The following KCTD8 variants were observed in gnomAD, a reference collection of about 807,000 sequenced individuals.
KCTD8 encodes the protein BTB/POZ domain-containing protein KCTD8.
In KCTD8, 27 loss-of-function variants were observed where a neutral mutation model predicts 31.5. The observed-to-expected ratio is 0.86, with a 90% confidence interval of 0.63 to 1.18. KCTD8 has a LOEUF of 1.18. Ranked by LOEUF, KCTD8 falls within the 50% of genes most tolerant of loss-of-function variation. The probability of loss-of-function intolerance (pLI) is 0.00; values close to 1 mark genes in which losing one functional copy is unlikely to be tolerated. For missense variants in KCTD8, 658 were observed against 647.7 expected, an observed-to-expected ratio of 1.02 and a Z score of -0.17; for synonymous variants, 290 against 280.0, an observed-to-expected ratio of 1.04 and a Z score of -0.36.
chr4:44,334,240 C>T (rs542576343), intron 1 of KCTD8, among the ~76,000 whole-genome samples: 35 of 152,012 alleles, frequency 2.3e-4, no homozygotes, highest in Middle Eastern at 3.4e-3. Context: ...TACTATGATA[C>T]AGCAAAGAAA....
intron 1 of KCTD8, among the ~76,000 whole-genome samples, chr4:44,309,241 T>A (rs887713043): frequency 6.6e-6 from 1 of 151,932 alleles, no homozygotes; most frequent in East Asian, 1.9e-4. Context: ...GTTTTTGCCA[T>A]GTTGCCCAGG....
intron 1 of KCTD8, among the ~76,000 whole-genome samples, chr4:44,285,498 CATT>C (rs1184275588): frequency 1.3e-5 from 2 of 152,016 alleles, no homozygotes; most frequent in Non-Finnish European, 2.9e-5. Context: ...GGAGGGATAA[CATT>C]AGGAGAAATA....
intron 1 of KCTD8, among the ~76,000 whole-genome samples, chr4:44,418,586 C>T (rs191606104): frequency 1.4e-3 from 214 of 152,012 alleles, no homozygotes; most frequent in African/African-American, 4.3e-3. Flanking sequence ...GCAGTGGATA[C>T]GAAAATAGAG....
At chr4:44,209,557 A>G (rs1170036288) in intron 1 of KCTD8, among the ~76,000 whole-genome samples, 1 of 151,692 alleles carries the variant, frequency 6.6e-6, no homozygotes, top group East Asian at 1.9e-4. Flanking sequence ...ACCCACATAC[A>G]CACAGATGAC....
chr4:44,229,957 C>T (rs574942892), intron 1 of KCTD8, among the ~76,000 whole-genome samples: 66 of 151,902 alleles, frequency 4.3e-4, no homozygotes, highest in African/African-American at 1.5e-3. Flanking sequence ...AGGTATTTCT[C>T]CTAATGCTCT....
intron 1 of KCTD8, among the ~76,000 whole-genome samples, chr4:44,368,863 T>C (rs1719708129): frequency 6.6e-6 from 1 of 152,194 alleles, no homozygotes; most frequent in Non-Finnish European, 1.5e-5. Context: ...AAATACACTT[T>C]CTAGAAATCT....
At chr4:44,316,581 G>A (rs1472768628) in intron 1 of KCTD8, among the ~76,000 whole-genome samples, 1 of 151,744 alleles carries the variant, frequency 6.6e-6, no homozygotes, top group Non-Finnish European at 1.5e-5. Context: ...CCTTAAATTG[G>A]AATATCAATC....
At chr4:44,232,186 G>A (rs889275848) in intron 1 of KCTD8, among the ~76,000 whole-genome samples, 6 of 152,030 alleles carry the variant, frequency 3.9e-5, no homozygotes, top group Non-Finnish European at 7.4e-5. Context: ...ATAATTTCTA[G>A]ACCAAAAGAC....
intron 1 of KCTD8, among the ~76,000 whole-genome samples, chr4:44,237,334 C>T (rs1423981165): frequency 6.6e-6 from 1 of 152,136 alleles, no homozygotes; most frequent in African/African-American, 2.4e-5. Context: ...CTTCCTCTCT[C>T]TTTCTTCCCA....
intron 1 of KCTD8, among the ~76,000 whole-genome samples, chr4:44,332,004 A>T (rs1718602199): frequency 6.6e-6 from 1 of 151,840 alleles, no homozygotes; most frequent in South Asian, 2.1e-4. Flanking sequence ...ATTAAAATAC[A>T]GTCACACTAC....
At chr4:44,308,298 G>T (rs894834207) in intron 1 of KCTD8, among the ~76,000 whole-genome samples, 1 of 151,546 alleles carries the variant, frequency 6.6e-6, no homozygotes, top group Non-Finnish European at 1.5e-5. Context: ...ACTAAGCTTC[G>T]AATCTATGTC....
At chr4:44,331,523 T>C (rs1718590443) in intron 1 of KCTD8, among the ~76,000 whole-genome samples, 1 of 151,680 alleles carries the variant, frequency 6.6e-6, no homozygotes, top group African/African-American at 2.4e-5. Flanking sequence ...AAGAAGACAC[T>C]GTTCTTATTG....
intron 1 of KCTD8, among the ~76,000 whole-genome samples, chr4:44,358,057 C>T (rs911412405): frequency 1.3e-5 from 2 of 151,342 alleles, no homozygotes; most frequent in South Asian, 4.2e-4. Flanking sequence ...TAGCCCCCCA[C>T]CCCCCAAAGC....
intron 1 of KCTD8, among the ~76,000 whole-genome samples, chr4:44,404,262 T>C (rs1237451355): frequency 6.6e-6 from 1 of 152,170 alleles, no homozygotes; most frequent in Non-Finnish European, 1.5e-5. Context: ...TAAAAGGGTG[T>C]TTTGTTGTTG....
chr4:44,183,119 T>C (rs1713477752), intron 1 of KCTD8, among the ~76,000 whole-genome samples: 1 of 152,194 alleles, frequency 6.6e-6, no homozygotes. Flanking sequence ...CACATATGAA[T>C]TGCAGACAGG....
chr4:44,316,585 A>G (rs964119995), intron 1 of KCTD8, among the ~76,000 whole-genome samples: 1 of 152,040 alleles, frequency 6.6e-6, no homozygotes, highest in Non-Finnish European at 1.5e-5. Flanking sequence ...AAATTGGAAT[A>G]TCAATCGCAA....
intron 1 of KCTD8, among the ~76,000 whole-genome samples, chr4:44,406,486 G>C (rs993396914): frequency 2.6e-5 from 4 of 151,926 alleles, no homozygotes; most frequent in Admixed American, 6.6e-5. Flanking sequence ...TTTTATCAGG[G>C]GTTTCCACTT....
intron 1 of KCTD8, among the ~76,000 whole-genome samples, chr4:44,276,205 A>C (rs535920943): frequency 6.6e-6 from 1 of 152,034 alleles, no homozygotes; most frequent in Non-Finnish European, 1.5e-5. Flanking sequence ...GGATTATTCT[A>C]AACAATTTCC....
At chr4:44,240,762 C>T (rs911047886) in intron 1 of KCTD8, among the ~76,000 whole-genome samples, 2 of 152,182 alleles carry the variant, frequency 1.3e-5, no homozygotes, top group East Asian at 3.9e-4. Context: ...AAATGCTCCT[C>T]AGACTGAAAT....
Sources: allele counts gnomAD v4.1 joint callset (sites outside exome capture counted in the v4.1 genomes callset), GRCh38; gene constraint gnomAD v4.1.1; transcripts MANE v1.5; gene names NCBI Gene and HGNC (gene_info 2026-07-23, HGNC 2026-07-21).